BCO1: variants seen among roughly 807,000 people sequenced by gnomAD.
BCO1 encodes beta-carotene oxygenase 1.
BCO1 carries 54 observed loss-of-function variants against 56.3 expected under a neutral mutation model. The observed-to-expected ratio is 0.96, with a 90% CI of 0.77 to 1.20. The LOEUF is 1.20. BCO1 is among the 50% of genes most tolerant of loss of function. The probability of loss-of-function intolerance (pLI) is 0.00; values close to 1 mark genes in which losing one functional copy is unlikely to be tolerated. For synonymous variants in BCO1, 318 were observed against 266.1 expected (o/e 1.20, Z -1.90); for missense variants, 801 against 690.9 (o/e 1.16, Z -1.79).
Position 81,238,857 on chromosome 16 carries a change from C to CA in BCO1, c.-51dup. The CA allele has an allele frequency of 6.5e-7, 1 of 1,528,228 alleles. No homozygotes were observed. Among genetic ancestry groups the CA allele is most frequent in the East Asian group, 2.3e-5 (1 of 44,406 alleles). The allele number at this position is 1,528,228 out of a possible 1,614,324, so 94.7% of individuals were successfully genotyped here. On this transcript the variant is annotated 5_prime_UTR_variant, in exon 1 of 11. Transcript: ENST00000258168. ...GAGGGAGCAGCATCTCCTGTGAACA[C>CA]AGAGGAGCACCTGTTTGCTGTTAAA...
rs1907121277 is a variant in BCO1, at chr16:81,270,411, G to A, written c.1096G>A (p.Asp366Asn). Residue 366 changes from aspartate to asparagine, a missense_variant, in exon 7 of 11, where the codon GAC (aspartate) becomes AAC (asparagine). Coordinates refer to ENST00000258168, the MANE Select transcript of BCO1 (RefSeq NM_017429.3). ...LRRFAVPLHV[D>N]KNAEVGTNLI... ...GAGGTTTGCCGTGCCCCTCCACGTG[G>A]ACAAGGTAATGGCTTCCAAGGAGGT... 6.2e-7 allele frequency: 1 copy of A among 1,613,876 alleles called. No individual in the cohort carries two copies. The highest frequency in any genetic ancestry group is 8.5e-7 in the Non-Finnish European group (1 of 1,180,014).
chr16:81,259,572 A>C, intron 2 of BCO1, 104 bp from the exon 3 acceptor site: 1 of 1,440,850 alleles, frequency 6.9e-7, no homozygotes. Context: ...GTCCTAGTGA[A>C]ATAACCACCT....
chr16:81,276,268 T>G (rs1907550941), intron 7 of BCO1, among the ~76,000 whole-genome samples: 1 of 152,206 alleles, frequency 6.6e-6, no homozygotes, highest in East Asian at 1.9e-4. Context: ...CAGGCTTTCT[T>G]TCTCTAGCAG....
chr16:81,262,258 C>T lies in BCO1; in HGVS notation c.446C>T (p.Pro149Leu). 1 of 1,613,600 alleles carries T rather than the reference C, an allele frequency of 6.2e-7. No homozygotes were observed. Among genetic ancestry groups the T allele is most frequent in the Non-Finnish European group, 8.5e-7 (1 of 1,179,666 alleles). Residue 149 changes from proline (P) to leucine (L), a missense_variant, in exon 4 of 11, where the codon CCA becomes CTA. Pro to Leu is a moderately conservative substitution (Grantham distance 98, BLOSUM62 -3). Transcript: ENST00000258168. ...ACCAATTACATCAGGAAAATCAACCCACAGACTCTGGAAACCCTGGAGAAG... is the reference window on the plus strand; with the variant it reads ...ACCAATTACATCAGGAAAATCAACCTACAGACTCTGGAAACCCTGGAGAAG... Reference protein sequence around the residue: ...SETNYIRKINPQTLETLEKVD... With the variant: ...SETNYIRKINLQTLETLEKVD...
chr16:81,284,910 C>T (rs1018022776), intron 8 of BCO1, among the ~76,000 whole-genome samples: 5 of 151,034 alleles, frequency 3.3e-5, no homozygotes, highest in Admixed American at 1.3e-4. Flanking sequence ...GATCTCGGCT[C>T]ACTGCAACCT....
At chr16:81,272,326 G>T (rs1056045964) in intron 7 of BCO1, among the ~76,000 whole-genome samples, 6 of 150,978 alleles carry the variant, frequency 4.0e-5, no homozygotes, top group African/African-American at 1.5e-4. Flanking sequence ...CACCGTGTTA[G>T]CCAGGATGGT....
intron 7 of BCO1, among the ~76,000 whole-genome samples, chr16:81,274,198 T>A (rs926047706): frequency 5.3e-5 from 8 of 151,974 alleles, no homozygotes; most frequent in African/African-American, 1.9e-4. Flanking sequence ...TATAACCTTT[T>A]GTCATGCTCG....
At chr16:81,261,972 G>T (rs1439936526) in intron 3 of BCO1, 164 bp from the exon 4 acceptor site, 3 of 768,254 alleles carry the variant, frequency 3.9e-6, no homozygotes, top group African/African-American at 1.7e-5. Context: ...TCAATCTCCT[G>T]ACCTCGTGAT....
At chr16:81,266,431 A>C (rs1191132365) in intron 5 of BCO1, among the ~76,000 whole-genome samples, 2 of 152,114 alleles carry the variant, frequency 1.3e-5, no homozygotes, top group East Asian at 1.9e-4. Flanking sequence ...TTTAAAAAAA[A>C]CTAGTTTCTG....
chr16:81,265,809 C>T (rs1906784624), intron 5 of BCO1, among the ~76,000 whole-genome samples: 1 of 99,150 alleles, frequency 1.0e-5, no homozygotes, highest in Non-Finnish European at 2.2e-5. Context: ...GAGCCACCCA[C>T]CTGCCCATCC....
intron 2 of BCO1, among the ~76,000 whole-genome samples, chr16:81,254,347 C>T (rs1905997033): frequency 9.3e-6 from 1 of 107,108 alleles, no homozygotes; most frequent in Non-Finnish European, 1.7e-5. Context: ...GACAGGGTTT[C>T]ACCATGTTGA....
At chr16:81,270,974 G>A (rs528034341) in intron 7 of BCO1, among the ~76,000 whole-genome samples, 49 of 152,162 alleles carry the variant, frequency 3.2e-4, no homozygotes, top group African/African-American at 1.1e-3. Context: ...TGGATCTCCC[G>A]ACCTCGTGAT....
At chr16:81,266,957 G>T (rs1291016011) in intron 5 of BCO1, among the ~76,000 whole-genome samples, 1 of 152,230 alleles carries the variant, frequency 6.6e-6, no homozygotes, top group Non-Finnish European at 1.5e-5. Flanking sequence ...CCACAAGAGA[G>T]GTGGGGAAGT....
intron 7 of BCO1, among the ~76,000 whole-genome samples, chr16:81,273,639 CTT>C (rs59815701): frequency 6.8e-6 from 1 of 146,296 alleles, no homozygotes. Flanking sequence ...TTTAAAAATC[CTT>C]TTTTTTTTTT....
intron 5 of BCO1, among the ~76,000 whole-genome samples, chr16:81,265,675 C>T (rs986923555): frequency 2.0e-5 from 3 of 149,452 alleles, no homozygotes; most frequent in Non-Finnish European, 4.5e-5. Flanking sequence ...CCCATCCATC[C>T]GTCCACCCAC....
intron 2 of BCO1, among the ~76,000 whole-genome samples, chr16:81,254,059 C>A (rs192145171): frequency 7.2e-5 from 11 of 152,262 alleles, no homozygotes; most frequent in African/African-American, 2.6e-4. Context: ...CTCTTAGGAA[C>A]ACAAATAACC....
intron 3 of BCO1, 74 bp downstream of exon 3, chr16:81,259,879 GC>G: frequency 6.3e-7 from 1 of 1,578,998 alleles, no homozygotes; most frequent in African/African-American, 1.3e-5. Flanking sequence ...ACCAGCATTT[GC>G]TCCTCTGACA....
intron 6 of BCO1, among the ~76,000 whole-genome samples, chr16:81,269,474 A>G (rs1567456969): frequency 6.6e-6 from 1 of 151,222 alleles, no homozygotes; most frequent in Non-Finnish European, 1.5e-5. Context: ...TTATTTATTT[A>G]TTTATTTTTT....
intron 2 of BCO1, among the ~76,000 whole-genome samples, chr16:81,253,354 G>A (rs1341717654): frequency 6.6e-6 from 1 of 152,164 alleles, no homozygotes; most frequent in Non-Finnish European, 1.5e-5. Flanking sequence ...CAAATGTCAC[G>A]TGACTCTGCA....
Sources: allele counts gnomAD v4.1 joint callset (sites outside exome capture counted in the v4.1 genomes callset), GRCh38; gene constraint gnomAD v4.1.1; transcripts MANE v1.5; gene names NCBI Gene and HGNC (gene_info 2026-07-23, HGNC 2026-07-21).